Variants in EIF2AK4 observed in about 807,000 individuals in gnomAD.
EIF2AK4 encodes the protein eukaryotic translation initiation factor 2 alpha kinase 4, also known as eIF-2-alpha kinase GCN2.
A neutral mutation model predicts 211.1 loss-of-function variants in EIF2AK4; 139 were observed. The ratio of observed to expected loss-of-function variants is 0.66; its 90% CI spans 0.57 to 0.76. The LOEUF (loss-of-function observed/expected upper bound fraction) is 0.76, where lower values mean the gene tolerates loss of function less well. Among genes scored for constraint, EIF2AK4 ranks in the 30% least tolerant of loss-of-function variants. The pLI, the probability that EIF2AK4 is intolerant of heterozygous loss-of-function variation, is 0.00. For missense variants in EIF2AK4, 1,664 were observed against 2,043.8 expected (o/e 0.81, Z 3.58); for synonymous variants, 710 against 751.3 (o/e 0.94, Z 0.90).
In EIF2AK4 at chr15:39,997,108, A is replaced by C. The variant is rs2035028617; in HGVS notation, c.2868+43A>C. On this transcript the variant is annotated intron_variant, in intron 19 of 38. Transcript: ENST00000263791. ...TAGTGCCTACATTTTCAGTAACCGG[A>C]ATCTTAGCACAGAGATCAGAATTCA... 17 of 1,344,908 alleles carry C rather than the reference A, an allele frequency of 1.3e-5. No individual in the cohort carries two copies. In the East Asian group the frequency reaches 3.7e-4, roughly 29 times the overall value. 83.3% of individuals were successfully genotyped at this position (1,344,908 alleles called of 1,614,324 possible).
chr15:39,943,584 A>G, intron 3 of EIF2AK4, 99 bp downstream of exon 3: 1 of 885,002 alleles, frequency 1.1e-6, no homozygotes, highest in Non-Finnish European at 1.8e-6. Flanking sequence ...TATTGGTTCT[A>G]CAAAAGGGAA....
chr15:39,965,011 T>C (rs946083516), intron 7 of EIF2AK4, among the ~76,000 whole-genome samples: 4 of 152,240 alleles, frequency 2.6e-5, no homozygotes, highest in Non-Finnish European at 4.4e-5. Flanking sequence ...ATTCTTTCTG[T>C]CATTTTAGTT....
chr15:40,011,324 ATCTG>A lies in EIF2AK4; in HGVS notation c.3741_3744del (p.Ser1248CysfsTer26). The A allele has an allele frequency of 6.2e-7, 1 of 1,613,402 alleles. No individual in the cohort carries two copies. The highest frequency in any genetic ancestry group is 8.5e-7 in the Non-Finnish European group (1 of 1,179,598). The stretch of plus-strand genomic sequence containing the variant: ...AGAGAAGTGGAAGCTAAATTTTGTA[ATCTG>A]TCTTTGTCTTCTAATAGTGTAAGTA... On this transcript the variant is annotated frameshift_variant, in exon 27 of 39. Coordinates refer to ENST00000263791, the MANE Select transcript of EIF2AK4 (RefSeq NM_001013703.4). LOFTEE classifies it high-confidence loss of function.
intron 1 of EIF2AK4, 27 bp downstream of exon 1, chr15:39,934,366 G>C (rs1483129483): frequency 6.3e-7 from 1 of 1,588,544 alleles, no homozygotes; most frequent in Non-Finnish European, 8.6e-7. Context: ...TCAGGCCCGG[G>C]CTGGCGTGCC....
intron 23 of EIF2AK4, 30 bp from the exon 24 acceptor site, chr15:40,006,986 T>C (rs1486651027): frequency 5.2e-6 from 8 of 1,543,450 alleles, no homozygotes; most frequent in African/African-American, 1.4e-5. Flanking sequence ...CATTTTGACA[T>C]TGACCTTTCA....
At chr15:40,003,471 G>A (rs746407372) in intron 23 of EIF2AK4, among the ~76,000 whole-genome samples, 157 bp downstream of exon 23, 1 of 152,174 alleles carries the variant, frequency 6.6e-6, no homozygotes, top group African/African-American at 2.4e-5. Flanking sequence ...TGTTACTGGG[G>A]TGGAGGAAAT....
In EIF2AK4 at chr15:40,016,709, T is replaced by A. The variant is rs895660812; in HGVS notation, c.3930+37T>A. The A allele has an allele frequency of 5.6e-6, 9 of 1,600,714 alleles. No individual in the cohort carries two copies. In the African/African-American group the frequency reaches 1.1e-4, roughly 19 times the overall value. ...GTTTGATACTGGCAGTACAAATGTG[T>A]AGCATTACTAATAGCACAGGGAGGA... On this transcript the variant is annotated intron_variant, in intron 28 of 38. Coordinates refer to ENST00000263791, the MANE Select transcript of EIF2AK4 (RefSeq NM_001013703.4).
Position 39,960,350 on chromosome 15 carries a change from A to G in EIF2AK4, c.744-1434A>G, listed in dbSNP as rs902912566. On this transcript the variant is annotated intron_variant, in intron 6 of 38. Coordinates refer to ENST00000263791, the MANE Select transcript of EIF2AK4 (RefSeq NM_001013703.4). ...TCCAGGAGAAAGTTGGAGATGAACT[A>G]AACAGGGCAGGGGAGATAGAGAGGA... Among the ~76,000 whole-genome samples, 3 of 152,058 alleles carry G rather than the reference A, an allele frequency of 2.0e-5. No individual in the cohort carries two copies. The South Asian group carries it at 6.2e-4, about 32-fold the overall frequency.
intron 9 of EIF2AK4, 106 bp downstream of exon 9, chr15:39,967,985 C>G (rs892054840): frequency 4.3e-6 from 5 of 1,166,554 alleles, no homozygotes; most frequent in Non-Finnish European, 6.0e-6. Flanking sequence ...AAGTGAGGAA[C>G]AGGACTTCAT....
intron 9 of EIF2AK4, among the ~76,000 whole-genome samples, chr15:39,970,948 A>C (rs2034615338): frequency 6.6e-6 from 1 of 152,274 alleles, no homozygotes. Context: ...CAACATAAAA[A>C]AAAGTTACCA....
intron 32 of EIF2AK4, among the ~76,000 whole-genome samples, chr15:40,024,677 C>T (rs112087964): frequency 0.013 from 2,021 of 150,472 alleles, 44 homozygotes; most frequent in African/African-American, 0.048. Flanking sequence ...GGATTAGAGG[C>T]GTGAGCCACT....
At chr15:39,951,563 C>A in intron 4 of EIF2AK4, 2 of 330,054 alleles carry the variant, frequency 6.1e-6, no homozygotes, top group South Asian at 2.4e-5. Flanking sequence ...TGAGCAATTT[C>A]TCTCACCAGA....
At chr15:40,031,123 C>G (rs1304192571) in intron 35 of EIF2AK4, among the ~76,000 whole-genome samples, 2 of 152,090 alleles carry the variant, frequency 1.3e-5, no homozygotes, top group Non-Finnish European at 2.9e-5. Context: ...GCCTGTAATC[C>G]CAGCCACTCG....
At chr15:39,989,532 A>G (rs1043601913) in intron 15 of EIF2AK4, among the ~76,000 whole-genome samples, 3 of 152,170 alleles carry the variant, frequency 2.0e-5, no homozygotes, top group African/African-American at 7.2e-5. Flanking sequence ...ACTCCATCCA[A>G]TTTGCTCAGT....
chr15:39,970,035 T>C (rs1286723509), intron 9 of EIF2AK4, among the ~76,000 whole-genome samples: 1 of 152,218 alleles, frequency 6.6e-6, no homozygotes, highest in African/African-American at 2.4e-5. Flanking sequence ...TAGCACTGCC[T>C]ACCTCATGAG....
At chr15:40,015,295 C>T (rs913719461) in intron 27 of EIF2AK4, among the ~76,000 whole-genome samples, 3 of 152,134 alleles carry the variant, frequency 2.0e-5, no homozygotes, top group African/African-American at 4.8e-5. Flanking sequence ...AAGACATACA[C>T]GAAACTGCGT....
In EIF2AK4 at chr15:40,029,403, T is replaced by TA; in HGVS notation, c.4503-2dup. The TA allele has an allele frequency of 6.2e-7, 1 of 1,612,774 alleles. No individual in the cohort carries two copies. Among genetic ancestry groups the TA allele is most frequent in the Non-Finnish European group, 8.5e-7 (1 of 1,179,824 alleles). ...TTAATTGTTTTTGTTTGCTTGTTTTTAGAGAAGCTTCCGATAATCTTGCAG... is the reference window on the plus strand; with the variant it reads ...TTAATTGTTTTTGTTTGCTTGTTTTTAAGAGAAGCTTCCGATAATCTTGCAG... On this transcript the variant is annotated splice_polypyrimidine_tract_variant and splice_region_variant and intron_variant, in intron 33 of 38. Coordinates refer to ENST00000263791, the MANE Select transcript of EIF2AK4 (RefSeq NM_001013703.4).
At chr15:40,034,638 G>C (rs949608439) in intron 38 of EIF2AK4, among the ~76,000 whole-genome samples, 194 bp downstream of exon 38, 8 of 151,970 alleles carry the variant, frequency 5.3e-5, no homozygotes, top group Non-Finnish European at 1.5e-5. Flanking sequence ...AAAACACAGG[G>C]GTCCTAGGAG....
At chr15:39,995,199 A>G (rs1423420867) in intron 18 of EIF2AK4, among the ~76,000 whole-genome samples, 1 of 152,102 alleles carries the variant, frequency 6.6e-6, no homozygotes, top group African/African-American at 2.4e-5. Flanking sequence ...TCAGTAATAA[A>G]TATCCCTGAG....
Sources: allele counts gnomAD v4.1 joint callset (sites outside exome capture counted in the v4.1 genomes callset), GRCh38; gene constraint gnomAD v4.1.1; transcripts MANE v1.5; gene names NCBI Gene and HGNC (gene_info 2026-07-23, HGNC 2026-07-21).